The following VPS13D variants were observed in gnomAD, a reference collection of about 807,000 sequenced individuals.
The protein encoded by VPS13D is intermembrane lipid transfer protein VPS13D.
In VPS13D, 187 loss-of-function variants were observed where a neutral mutation model predicts 461.9. That is an observed-to-expected ratio of 0.40 (90% CI 0.36 to 0.46). The LOEUF (loss-of-function observed/expected upper bound fraction) is 0.46, where lower values mean the gene tolerates loss of function less well. VPS13D is among the 20% of genes least tolerant of loss of function. The pLI is 0.60. For synonymous variants in VPS13D, 1,951 were observed against 1,986.3 expected, an observed-to-expected ratio of 0.98 and a Z score of 0.47; for missense variants, 4,711 against 5,364.9, an observed-to-expected ratio of 0.88 and a Z score of 3.81.
At position 12,396,242 on chromosome 1, in the gene VPS13D, C is replaced by T. The variant is rs114776621; in HGVS notation, c.11635-3939C>T. Among the ~76,000 whole-genome samples the T allele has an allele frequency of 1.2e-3, 186 of 151,392 alleles. 1 individual carries two copies. In the Middle Eastern group the frequency reaches 0.027, roughly 22 times the overall value. On this transcript the variant is annotated intron_variant, in intron 60 of 69. Transcript: ENST00000620676. ...TTTGTTTGCAGTGTGACTGTAGGGC[C>T]GTTGGTTTTCAAGGCTACTGTGGAG... is the stretch of plus-strand genomic sequence containing the variant.
At position 12,259,902 on chromosome 1, in the gene VPS13D, C is replaced by T. The variant is rs138123797; in HGVS notation, c.1111-791C>T. Among the ~76,000 whole-genome samples, 63 of 151,696 alleles carry T rather than the reference C, an allele frequency of 4.2e-4. No homozygotes were observed. In the South Asian group the frequency reaches 6.9e-3, roughly 17 times the overall value. Reference sequence around the variant, plus strand: ...ACTTGGTCCTGGGTTTCAGGAAGAGCGATAACTAGGCTGCTTACTCCTCAT... The same window carrying T: ...ACTTGGTCCTGGGTTTCAGGAAGAGTGATAACTAGGCTGCTTACTCCTCAT... On this transcript the variant is annotated intron_variant, in intron 10 of 69. Coordinates refer to ENST00000620676, the MANE Select transcript of VPS13D (RefSeq NM_015378.4).
intron 44 of VPS13D, among the ~76,000 whole-genome samples, chr1:12,347,207 G>A (rs1643695315): frequency 6.6e-6 from 1 of 151,444 alleles, no homozygotes; most frequent in East Asian, 1.9e-4. Flanking sequence ...GTCTCGCTCT[G>A]TTGCCCAGGC....
intron 37 of VPS13D, among the ~76,000 whole-genome samples, chr1:12,331,367 A>C (rs1053532010): frequency 7.9e-5 from 12 of 152,132 alleles, no homozygotes; most frequent in African/African-American, 2.9e-4. Context: ...ATTTTATGTT[A>C]GTTAACATTT....
intron 7 of VPS13D, among the ~76,000 whole-genome samples, chr1:12,255,340 A>G (rs997492875): frequency 5.9e-5 from 9 of 152,236 alleles, no homozygotes; most frequent in Non-Finnish European, 7.3e-5. Context: ...TATGATGAGT[A>G]TGTAACAGTC....
At chr1:12,390,376 A>G (rs1259279286) in intron 60 of VPS13D, among the ~76,000 whole-genome samples, 2 of 152,164 alleles carry the variant, frequency 1.3e-5, no homozygotes, top group African/African-American at 2.4e-5. Context: ...TCACCATTCT[A>G]TCAATCCAGC....
intron 67 of VPS13D, among the ~76,000 whole-genome samples, chr1:12,468,904 C>T (rs904809859): frequency 6.6e-6 from 1 of 151,874 alleles, no homozygotes; most frequent in Non-Finnish European, 1.5e-5. Flanking sequence ...TATGGTGGCA[C>T]GCGCCTGTGG....
rs541278284 is a variant in VPS13D at position 12,277,939 on chromosome 1, C to G, written c.4351C>G (p.Arg1451Gly). 1 of 1,614,016 alleles carries G rather than the reference C, an allele frequency of 6.2e-7. No individual in the cohort carries two copies. The highest frequency in any genetic ancestry group is 8.5e-7 in the Non-Finnish European group (1 of 1,180,034). The change falls in exon 19 of 70, where the codon CGG becomes GGG. Residue 1451 changes from arginine (R) to glycine (G), a missense_variant. Physicochemically the swap from Arg to Gly is moderately radical, Grantham distance 125 (BLOSUM62 -2). Transcript: ENST00000620676. Reference protein sequence around the residue: ...GREAVGSEGSRMFCPPSGSGS... With the variant: ...GREAVGSEGSGMFCPPSGSGS... ...AGAAGCTGTTGGGTCTGAAGGAAGC[C>G]GGATGTTTTGCCCACCTTCCGGGTC...
chr1:12,363,206 C>T lies in VPS13D; in HGVS notation c.10407C>T (p.Gly3469=). 1 of 1,614,130 alleles carries T rather than the reference C, an allele frequency of 6.2e-7. No homozygotes were observed. The highest frequency in any genetic ancestry group is 8.5e-7 in the Non-Finnish European group (1 of 1,180,024). The change falls in exon 52 of 70, where the codon GGC becomes GGT. Residue 3469 remains glycine (G), a synonymous_variant. Transcript: ENST00000620676. ...TTCCCAATTGTATTTGGTCTGGAGG[C>T]TTTGAAGTCAACAAGAATAATTCCT... The part of the protein sequence containing the change: ...MDVPNCIWSG[G]FEVNKNNSFH...
chr1:12,371,991 A>G (rs1431613460), intron 54 of VPS13D, among the ~76,000 whole-genome samples: 1 of 152,162 alleles, frequency 6.6e-6, no homozygotes, highest in Non-Finnish European at 1.5e-5. Context: ...ATTCCTACCA[A>G]CAGTGTAGAG....
chr1:12,424,649 G>A (rs1299063893), intron 65 of VPS13D, among the ~76,000 whole-genome samples: 2 of 152,214 alleles, frequency 1.3e-5, no homozygotes, highest in Non-Finnish European at 2.9e-5. Context: ...AGGTAGCTCA[G>A]TAGCCAGAAG....
chr1:12,301,879 T>TCAGG (rs1288269587), intron 25 of VPS13D, among the ~76,000 whole-genome samples: 5 of 152,198 alleles, frequency 3.3e-5, no homozygotes, highest in Non-Finnish European at 7.3e-5. Flanking sequence ...AACTCTTGTG[T>TCAGG]CAGGGACTAA....
chr1:12,417,360 A>G (rs901999241), intron 65 of VPS13D, among the ~76,000 whole-genome samples: 3 of 152,130 alleles, frequency 2.0e-5, no homozygotes, highest in South Asian at 2.1e-4. Context: ...ATTCGTGGAC[A>G]TTTTCTTAGT....
At position 12,479,709 on chromosome 1, in the gene VPS13D, C is replaced by T. The variant is rs77613976; in HGVS notation, c.12663-17791C>T. Among the ~76,000 whole-genome samples, 722 of 152,232 alleles carry T rather than the reference C, an allele frequency of 4.7e-3. 4 individuals carry two copies. The highest frequency in any genetic ancestry group is 0.017 in the African/African-American group (699 of 41,530). On this transcript the variant is annotated intron_variant, in intron 67 of 69. Coordinates refer to ENST00000620676, the MANE Select transcript of VPS13D (RefSeq NM_015378.4). ...TGGGCCATCTCTCGGTCCCTCACAT[C>T]GAAAGACCTCATGATTTCAATCCAA...
intron 67 of VPS13D, among the ~76,000 whole-genome samples, chr1:12,468,709 T>C (rs964064916): frequency 1.3e-5 from 2 of 152,222 alleles, no homozygotes; most frequent in Non-Finnish European, 1.5e-5. Flanking sequence ...GAAAATAAGA[T>C]TGAATTAGTA....
At chr1:12,415,375 C>T (rs1368807106) in intron 64 of VPS13D, among the ~76,000 whole-genome samples, 154 bp downstream of exon 64, 3 of 152,116 alleles carry the variant, frequency 2.0e-5, no homozygotes, top group Non-Finnish European at 4.4e-5. Context: ...CCAAGAAGCC[C>T]GTATGTGTCA....
chr1:12,363,294 A>G, intron 52 of VPS13D, 47 bp downstream of exon 52: 1 of 1,587,814 alleles, frequency 6.3e-7, no homozygotes, highest in Non-Finnish European at 8.6e-7. Flanking sequence ...CCCCTGTTTG[A>G]GATGCAGTAC....
At chr1:12,406,165 C>T (rs763169543) in intron 63 of VPS13D, among the ~76,000 whole-genome samples, 3 of 151,996 alleles carry the variant, frequency 2.0e-5, no homozygotes, top group East Asian at 1.9e-4. Context: ...CAGCAGGGTG[C>T]GGGGAATTGG....
At chr1:12,292,571 C>T (rs1263700615) in intron 23 of VPS13D, among the ~76,000 whole-genome samples, 1 of 151,420 alleles carries the variant, frequency 6.6e-6, no homozygotes. Context: ...TTCTGTGTAG[C>T]TGGGACCACA....
chr1:12,302,315 C>A (rs1642446158), intron 25 of VPS13D, among the ~76,000 whole-genome samples: 2 of 152,122 alleles, frequency 1.3e-5, no homozygotes, highest in Non-Finnish European at 2.9e-5. Context: ...TCAGTTCTAG[C>A]CAGATTGTGT....
Sources: allele counts gnomAD v4.1 joint callset (sites outside exome capture counted in the v4.1 genomes callset), GRCh38; gene constraint gnomAD v4.1.1; transcripts MANE v1.5; gene names NCBI Gene and HGNC (gene_info 2026-07-23, HGNC 2026-07-21).